AUH: variants seen among roughly 807,000 people sequenced by gnomAD.
The protein encoded by AUH is AU RNA binding methylglutaconyl-CoA hydratase, also known as methylglutaconyl-CoA hydratase, mitochondrial.
In AUH, 29 loss-of-function variants were observed where a neutral mutation model predicts 42.3. The observed-to-expected ratio is 0.69, with a 90% CI of 0.51 to 0.93. The LOEUF is 0.93. Ranked by LOEUF, AUH falls within the 40% of genes least tolerant of loss-of-function variation. The probability of loss-of-function intolerance (pLI) is 0.00; values close to 1 mark genes in which losing one functional copy is unlikely to be tolerated. For synonymous variants in AUH, 174 were observed against 166.4 expected (o/e 1.05, Z -0.35); for missense variants, 452 against 438.1 (o/e 1.03, Z -0.28).
chr9:91,305,485 A>T (rs945517813), intron 4 of AUH, among the ~76,000 whole-genome samples: 1 of 152,212 alleles, frequency 6.6e-6, no homozygotes, highest in Non-Finnish European at 1.5e-5. Flanking sequence ...GAATGATTTA[A>T]GTGAAGCTAC....
chr9:91,259,151 C>T (rs779651517), intron 6 of AUH, among the ~76,000 whole-genome samples: 15 of 152,124 alleles, frequency 9.9e-5, no homozygotes, highest in Non-Finnish European at 1.8e-4. Context: ...CTGCTCAGAG[C>T]TTTCTTTGTG....
chr9:91,268,838 G>A lies in AUH; in HGVS notation c.655+27183C>T, dbSNP rs371514306. On this transcript the variant is annotated intron_variant, in intron 6 of 9. Transcript: ENST00000375731. ...GGTAAATCCATACATATTCAATTGT[G>A]ATGCTTCTAAATATATTCAAGGATA... is the stretch of plus-strand genomic sequence containing the variant. 1.2e-4 allele frequency among the ~76,000 whole-genome samples: 19 copies of A among 152,212 alleles called. No individual in the cohort carries two copies. In the East Asian group the frequency reaches 2.5e-3, roughly 20 times the overall value.
chr9:91,323,753 A>G (rs867661765), intron 4 of AUH, among the ~76,000 whole-genome samples: 10 of 152,178 alleles, frequency 6.6e-5, no homozygotes, highest in African/African-American at 2.4e-4. Context: ...GGGGAAAAAA[A>G]GATATAAGAC....
intron 6 of AUH, among the ~76,000 whole-genome samples, chr9:91,255,856 C>T (rs1829377393): frequency 6.6e-6 from 1 of 152,066 alleles, no homozygotes; most frequent in South Asian, 2.1e-4. Flanking sequence ...AACTTGGAAA[C>T]TGTCATCTTT....
chr9:91,231,136 C>T (rs867934395), intron 6 of AUH, among the ~76,000 whole-genome samples: 1 of 152,198 alleles, frequency 6.6e-6, no homozygotes, highest in Non-Finnish European at 1.5e-5. Context: ...ATGGTGGGTG[C>T]CCCTCCCCCA....
At chr9:91,336,481 T>C (rs1830696121) in intron 3 of AUH, among the ~76,000 whole-genome samples, 1 of 151,608 alleles carries the variant, frequency 6.6e-6, no homozygotes, top group African/African-American at 2.4e-5. Context: ...AACACAAAAA[T>C]AAGCTGGGCG....
chr9:91,241,742 A>C (rs1363559259), intron 6 of AUH, among the ~76,000 whole-genome samples: 1 of 152,206 alleles, frequency 6.6e-6, no homozygotes, highest in Non-Finnish European at 1.5e-5. Context: ...TGATATCTAC[A>C]GATTCCACCC....
chr9:91,318,701 C>T (rs147014413), intron 4 of AUH, among the ~76,000 whole-genome samples: 2 of 152,336 alleles, frequency 1.3e-5, no homozygotes, highest in East Asian at 3.9e-4. Context: ...GGTGCTGGCC[C>T]CTTCACCAGA....
At chr9:91,344,972 C>A (rs533223210) in intron 3 of AUH, among the ~76,000 whole-genome samples, 1 of 150,584 alleles carries the variant, frequency 6.6e-6, no homozygotes, top group Non-Finnish European at 1.5e-5. Context: ...TTAATAGATG[C>A]CAAAAAGAGA....
intron 3 of AUH, among the ~76,000 whole-genome samples, chr9:91,345,029 G>A (rs1179752817): frequency 6.6e-6 from 1 of 150,606 alleles, no homozygotes; most frequent in Non-Finnish European, 1.5e-5. Flanking sequence ...AAATGCCTCA[G>A]CAAACTACAA....
intron 3 of AUH, among the ~76,000 whole-genome samples, chr9:91,351,457 C>A (rs1044115108): frequency 6.6e-6 from 1 of 152,136 alleles, no homozygotes; most frequent in African/African-American, 2.4e-5. Flanking sequence ...ATGAGCGCAT[C>A]GGTATATAAT....
intron 4 of AUH, among the ~76,000 whole-genome samples, chr9:91,308,500 T>C (rs58307373): frequency 0.14 from 21,934 of 152,204 alleles, 1,873 homozygotes; most frequent in African/African-American, 0.24. Context: ...AAAACTAAGA[T>C]CTGTAAGTCA....
intron 3 of AUH, among the ~76,000 whole-genome samples, chr9:91,333,692 C>T (rs183360627): frequency 6.6e-6 from 1 of 152,316 alleles, no homozygotes; most frequent in Non-Finnish European, 1.5e-5. Context: ...ATGTTTACTA[C>T]AGCAATGTCA....
chr9:91,276,006 G>A (rs977187966), intron 6 of AUH, among the ~76,000 whole-genome samples: 3 of 152,100 alleles, frequency 2.0e-5, no homozygotes, highest in African/African-American at 7.2e-5. Flanking sequence ...ATGCATTAAA[G>A]GTTTTAAGTG....
At chr9:91,255,699 T>C (rs576347122) in intron 6 of AUH, among the ~76,000 whole-genome samples, 1 of 152,350 alleles carries the variant, frequency 6.6e-6, no homozygotes, top group South Asian at 2.1e-4. Context: ...TATTTTTTCA[T>C]ATAAAAGCTA....
chr9:91,286,152 C>T (rs1322518282), intron 6 of AUH, among the ~76,000 whole-genome samples: 4 of 152,220 alleles, frequency 2.6e-5, no homozygotes, highest in Non-Finnish European at 2.9e-5. Context: ...CAGATTCTGA[C>T]GGAACTTCTA....
At chr9:91,285,366 A>G (rs1826318656) in intron 6 of AUH, among the ~76,000 whole-genome samples, 3 of 151,988 alleles carry the variant, frequency 2.0e-5, no homozygotes, top group Non-Finnish European at 4.4e-5. Context: ...TGTAAATGAC[A>G]AGTTAATGGG....
chr9:91,319,690 G>T (rs1273913217), intron 4 of AUH, among the ~76,000 whole-genome samples: 1 of 152,208 alleles, frequency 6.6e-6, no homozygotes, highest in Non-Finnish European at 1.5e-5. Context: ...AAGTAGGCAG[G>T]CCTGCAACTT....
At chr9:91,286,369 C>G (rs1377075492) in intron 6 of AUH, among the ~76,000 whole-genome samples, 1 of 152,144 alleles carries the variant, frequency 6.6e-6, no homozygotes, top group Non-Finnish European at 1.5e-5. Flanking sequence ...TGGAGTTGGT[C>G]TCTTTTTCTG....
Sources: allele counts gnomAD v4.1 joint callset (sites outside exome capture counted in the v4.1 genomes callset), GRCh38; gene constraint gnomAD v4.1.1; transcripts MANE v1.5; gene names NCBI Gene and HGNC (gene_info 2026-07-23, HGNC 2026-07-21).